The following PLCB1 variants were observed in gnomAD, a reference collection of about 807,000 sequenced individuals.
The protein encoded by PLCB1 is phospholipase C beta 1.
PLCB1 carries 46 observed loss-of-function variants against 161.8 expected under a neutral mutation model. The ratio of observed to expected loss-of-function variants is 0.28; its 90% CI spans 0.22 to 0.36. The LOEUF (loss-of-function observed/expected upper bound fraction) is 0.36, where lower values mean the gene tolerates loss of function less well. Among genes scored for constraint, PLCB1 ranks in the 10% least tolerant of loss-of-function variants. The probability of loss-of-function intolerance (pLI) is 1.00; values close to 1 mark genes in which losing one functional copy is unlikely to be tolerated. For missense variants in PLCB1, 1,016 were observed against 1,472.5 expected (o/e 0.69, Z 5.07); for synonymous variants, 517 against 503.7 (o/e 1.03, Z -0.35).
intron 3 of PLCB1, among the ~76,000 whole-genome samples, chr20:8,510,920 G>A (rs2122849392): frequency 6.6e-6 from 1 of 152,232 alleles, no homozygotes; most frequent in African/African-American, 2.4e-5. Flanking sequence ...GATGCTATGT[G>A]TATATATTGT....
intron 26 of PLCB1, among the ~76,000 whole-genome samples, chr20:8,767,292 T>C (rs929671239): frequency 2.6e-5 from 4 of 152,194 alleles, no homozygotes; most frequent in Non-Finnish European, 2.9e-5. Flanking sequence ...TAAGGTTTGC[T>C]GATGCTGCTG....
chr20:8,807,586 A>G (rs1237697640), intron 31 of PLCB1, among the ~76,000 whole-genome samples: 3 of 152,088 alleles, frequency 2.0e-5, no homozygotes, highest in African/African-American at 7.2e-5. Context: ...TTTTAATTCA[A>G]CCAATAGTTA....
chr20:8,460,112 T>A (rs547694167), intron 3 of PLCB1, among the ~76,000 whole-genome samples: 20 of 152,286 alleles, frequency 1.3e-4, no homozygotes, highest in African/African-American at 4.1e-4. Context: ...AAACTCTAGA[T>A]GAGATCAAGT....
chr20:8,750,138 T>C (rs1224858943), intron 23 of PLCB1, among the ~76,000 whole-genome samples: 1 of 152,172 alleles, frequency 6.6e-6, no homozygotes, highest in East Asian at 1.9e-4. Context: ...AATGATACCA[T>C]GTGAATGCTG....
rs953288919 is a variant in PLCB1, at chr20:8,647,842, C to G, written c.465-58C>G. Reference sequence around the variant, plus strand: ...GCTTTTTTGAGTGTATTTTATTGTTCAAGAAAAAAAAGCTTTTTTAAAAAA... The same window carrying G: ...GCTTTTTTGAGTGTATTTTATTGTTGAAGAAAAAAAAGCTTTTTTAAAAAA... On this transcript the variant is annotated intron_variant, in intron 5 of 31. Transcript: ENST00000338037. The G allele has an allele frequency of 3.7e-6, 5 of 1,362,148 alleles. No individual in the cohort carries two copies. The Admixed American group carries it at 8.5e-5, about 23-fold the overall frequency. The allele number at this position is 1,362,148 out of a possible 1,614,324, so 84.4% of individuals were successfully genotyped here.
intron 2 of PLCB1, among the ~76,000 whole-genome samples, chr20:8,335,563 T>G (rs2122206759): frequency 6.6e-6 from 1 of 152,358 alleles, no homozygotes; most frequent in Admixed American, 6.5e-5. Context: ...CTTGAGGGTC[T>G]CTGTGTATAC....
intron 3 of PLCB1, among the ~76,000 whole-genome samples, chr20:8,551,646 C>A (rs1227581717): frequency 6.6e-6 from 1 of 152,144 alleles, no homozygotes; most frequent in Non-Finnish European, 1.5e-5. Flanking sequence ...CTGACAGATC[C>A]TCAGTTGTGT....
At position 8,481,859 on chromosome 20, in the gene PLCB1, A is replaced by AT. The variant is rs796303458; in HGVS notation, c.246+110419dup. Reference sequence around the variant, plus strand: ...AAGTCGATGTTTTCTGTGAGTCATGATTTTTTTTTTCCCCAAGCTGGAGTT... The same window carrying AT: ...AAGTCGATGTTTTCTGTGAGTCATGATTTTTTTTTTTCCCCAAGCTGGAGTT... On this transcript the variant is annotated intron_variant, in intron 3 of 31. Coordinates refer to ENST00000338037, the MANE Select transcript of PLCB1 (RefSeq NM_015192.4). Among the ~76,000 whole-genome samples the AT allele has an allele frequency of 9.9e-3, 1,484 of 150,038 alleles. 24 individuals carry two copies. The highest frequency in any genetic ancestry group is 0.033 in the African/African-American group (1,366 of 40,878).
At chr20:8,762,081 G>A (rs1054820201) in intron 25 of PLCB1, among the ~76,000 whole-genome samples, 8 of 151,902 alleles carry the variant, frequency 5.3e-5, no homozygotes, top group African/African-American at 1.9e-4. Flanking sequence ...GTGGTGGCGC[G>A]CACCTATAAT....
At chr20:8,634,313 T>A (rs1416641233) in intron 4 of PLCB1, among the ~76,000 whole-genome samples, 3 of 152,230 alleles carry the variant, frequency 2.0e-5, no homozygotes, top group Non-Finnish European at 1.5e-5. Context: ...AAAGTGAACA[T>A]TAGTCTTTAA....
At chr20:8,369,010 T>A (rs566026618) in intron 2 of PLCB1, among the ~76,000 whole-genome samples, 2 of 152,344 alleles carry the variant, frequency 1.3e-5, no homozygotes, top group African/African-American at 4.8e-5. Flanking sequence ...TTTGACTTGC[T>A]TGTGAACTCA....
chr20:8,799,779 T>C (rs1464255720), intron 31 of PLCB1, among the ~76,000 whole-genome samples: 1 of 152,206 alleles, frequency 6.6e-6, no homozygotes, highest in Non-Finnish European at 1.5e-5. Flanking sequence ...TCAGGTCCTT[T>C]ATATAACATT....
chr20:8,671,514 A>G (rs1296226969), intron 9 of PLCB1, among the ~76,000 whole-genome samples: 3 of 152,224 alleles, frequency 2.0e-5, no homozygotes, highest in African/African-American at 7.2e-5. Flanking sequence ...TTGGACCTTG[A>G]TAGACAAATT....
intron 2 of PLCB1, among the ~76,000 whole-genome samples, chr20:8,334,993 T>C (rs1206964890): frequency 1.3e-5 from 2 of 152,190 alleles, no homozygotes; most frequent in Non-Finnish European, 2.9e-5. Flanking sequence ...TGTACCAAAT[T>C]CTATTGACAC....
intron 25 of PLCB1, 66 bp from the exon 26 acceptor site, chr20:8,765,073 C>T (rs941722403): frequency 3.4e-5 from 42 of 1,253,054 alleles, no homozygotes; most frequent in Non-Finnish European, 4.1e-5. Context: ...AGAAGGTAGC[C>T]GCTCTTCTTT....
intron 3 of PLCB1, among the ~76,000 whole-genome samples, chr20:8,584,364 T>A (rs1182219623): frequency 1.3e-5 from 2 of 152,002 alleles, no homozygotes; most frequent in African/African-American, 4.8e-5. Context: ...TCATCTTTAG[T>A]TTCTTCTTTC....
chr20:8,509,784 A>G (rs980317533), intron 3 of PLCB1, among the ~76,000 whole-genome samples: 1 of 141,578 alleles, frequency 7.1e-6, no homozygotes, highest in African/African-American at 2.6e-5. Flanking sequence ...ATAGATAGAT[A>G]GCATGAAGAT....
chr20:8,643,437 C>T (rs1379872328), intron 4 of PLCB1, among the ~76,000 whole-genome samples: 2 of 152,124 alleles, frequency 1.3e-5, no homozygotes, highest in Non-Finnish European at 2.9e-5. Context: ...TAGTTCTTTT[C>T]CCAGTTTTCT....
In PLCB1 at chr20:8,880,735, C is replaced by G. The variant is rs1987940307; in HGVS notation, c.3424-887C>G. On this transcript the variant is annotated intron_variant, in intron 31 of 31. Transcript: ENST00000338037. ...TCCCCCAGCCAGGTTCATGGCTGACCTTGGAACGCTCACCTATCAATATTT... is the reference window on the plus strand; with the variant it reads ...TCCCCCAGCCAGGTTCATGGCTGACGTTGGAACGCTCACCTATCAATATTT... Among the ~76,000 whole-genome samples the G allele has an allele frequency of 4.0e-5, 6 of 151,772 alleles. No homozygotes were observed. The South Asian group carries it at 1.2e-3, about 31-fold the overall frequency.
Sources: allele counts gnomAD v4.1 joint callset (sites outside exome capture counted in the v4.1 genomes callset), GRCh38; gene constraint gnomAD v4.1.1; transcripts MANE v1.5; gene names NCBI Gene and HGNC (gene_info 2026-07-23, HGNC 2026-07-21).